TMEM181: variants seen among roughly 807,000 people sequenced by gnomAD.
TMEM181 encodes G protein-coupled receptor 178.
TMEM181 carries 39 observed loss-of-function variants against 71.9 expected under a neutral mutation model. The ratio of observed to expected loss-of-function variants is 0.54; its 90% CI spans 0.42 to 0.71. TMEM181 has a LOEUF of 0.71. Among genes scored for constraint, TMEM181 ranks in the 30% least tolerant of loss-of-function variants. TMEM181 has a pLI of 0.00. For synonymous variants in TMEM181, 245 were observed against 228.8 expected (o/e 1.07, Z -0.64); for missense variants, 595 against 583.0 (o/e 1.02, Z -0.21).
chr6:158,630,915 T>C (rs1786625846), intron 15 of TMEM181, among the ~76,000 whole-genome samples: 1 of 152,098 alleles, frequency 6.6e-6, no homozygotes, highest in Admixed American at 6.6e-5. Context: ...AACTTTATGA[T>C]AAACATATAA....
chr6:158,539,228 A>G (rs763764368), intron 1 of TMEM181, among the ~76,000 whole-genome samples: 1 of 152,194 alleles, frequency 6.6e-6, no homozygotes, highest in Non-Finnish European at 1.5e-5. Flanking sequence ...GTACTTTACA[A>G]TATTTTGTAT....
At chr6:158,576,390 T>G (rs752164182) in intron 2 of TMEM181, among the ~76,000 whole-genome samples, 2 of 152,186 alleles carry the variant, frequency 1.3e-5, no homozygotes, top group Non-Finnish European at 2.9e-5. Flanking sequence ...TAAGAATGGC[T>G]GCTGTTGTTG....
intron 6 of TMEM181, among the ~76,000 whole-genome samples, chr6:158,604,723 T>A (rs1784851535): frequency 6.6e-6 from 1 of 152,232 alleles, no homozygotes; most frequent in Non-Finnish European, 1.5e-5. Context: ...TTTAAAACTT[T>A]CTTTTGATGG....
At chr6:158,589,827 G>C in intron 6 of TMEM181, 45 bp downstream of exon 6, 1 of 1,328,032 alleles carries the variant, frequency 7.5e-7, no homozygotes, top group Non-Finnish European at 1.1e-6. Context: ...TCATGTTCTA[G>C]TTCCCATTCT....
intron 6 of TMEM181, among the ~76,000 whole-genome samples, chr6:158,604,385 T>G (rs1340543502): frequency 6.6e-6 from 1 of 152,202 alleles, no homozygotes; most frequent in East Asian, 1.9e-4. Flanking sequence ...TAACTCTATT[T>G]GTACTGAAGT....
chr6:158,601,334 A>C (rs962847142), intron 6 of TMEM181, among the ~76,000 whole-genome samples: 3 of 151,762 alleles, frequency 2.0e-5, no homozygotes, highest in African/African-American at 7.3e-5. Context: ...AGATCACCTG[A>C]GATCAGGAGT....
chr6:158,576,433 G>A (rs1253143784), intron 2 of TMEM181, among the ~76,000 whole-genome samples: 1 of 151,934 alleles, frequency 6.6e-6, no homozygotes, highest in Admixed American at 6.6e-5. Flanking sequence ...CCCCTCCCCC[G>A]CTGGCTAACG....
chr6:158,562,639 TC>T (rs1782254843), intron 1 of TMEM181, among the ~76,000 whole-genome samples: 1 of 152,150 alleles, frequency 6.6e-6, no homozygotes, highest in Admixed American at 6.5e-5. Flanking sequence ...GGTTTCAGGG[TC>T]CTGGGCCTCC....
intron 1 of TMEM181, among the ~76,000 whole-genome samples, chr6:158,537,219 C>T (rs911254548): frequency 2.6e-5 from 4 of 152,048 alleles, no homozygotes; most frequent in Non-Finnish European, 5.9e-5. Flanking sequence ...GTTCTCCCCC[C>T]GCGCCCGCCT....
chr6:158,608,797 G>C (rs771179159), intron 10 of TMEM181, 47 bp downstream of exon 10: 1 of 1,578,692 alleles, frequency 6.3e-7, no homozygotes, highest in Non-Finnish European at 8.6e-7. Flanking sequence ...AAAAGCATTT[G>C]ACAAAAGTGG....
At chr6:158,614,457 T>C (rs1562309161) in intron 10 of TMEM181, among the ~76,000 whole-genome samples, 1 of 149,128 alleles carries the variant, frequency 6.7e-6, no homozygotes. Context: ...TAATTTTTAA[T>C]GAAACCTTAT....
intron 1 of TMEM181, among the ~76,000 whole-genome samples, chr6:158,571,241 C>T (rs1782792896): frequency 6.6e-6 from 1 of 152,170 alleles, no homozygotes; most frequent in Non-Finnish European, 1.5e-5. Flanking sequence ...GGACTGCAGG[C>T]ACCCGCCACC....
At chr6:158,566,458 T>C (rs1387795496) in intron 1 of TMEM181, among the ~76,000 whole-genome samples, 2 of 126,342 alleles carry the variant, frequency 1.6e-5, no homozygotes, top group East Asian at 4.7e-4. Flanking sequence ...ATGAGGGAGG[T>C]GATGGTGAGG....
intron 1 of TMEM181, among the ~76,000 whole-genome samples, chr6:158,570,527 C>T (rs1344442837): frequency 2.0e-5 from 3 of 152,084 alleles, no homozygotes; most frequent in African/African-American, 7.2e-5. Context: ...AGGCATGAGC[C>T]ACTGCGCCCG....
At chr6:158,610,953 A>G in intron 10 of TMEM181, 2 of 425,258 alleles carry the variant, frequency 4.7e-6, no homozygotes, top group South Asian at 2.1e-5. Flanking sequence ...AGAGAATCTG[A>G]CCGTGGAGAT....
At chr6:158,569,397 A>G (rs1481977966) in intron 1 of TMEM181, among the ~76,000 whole-genome samples, 2 of 152,148 alleles carry the variant, frequency 1.3e-5, no homozygotes, top group Non-Finnish European at 2.9e-5. Context: ...CCCAGCTTAC[A>G]CTTGCTTAAG....
At chr6:158,591,333 G>A (rs1784097886) in intron 6 of TMEM181, among the ~76,000 whole-genome samples, 1 of 152,122 alleles carries the variant, frequency 6.6e-6, no homozygotes, top group African/African-American at 2.4e-5. Context: ...TGTTGCTGAT[G>A]TGGAAGGAGC....
At chr6:158,546,477 C>A (rs1321804377) in intron 1 of TMEM181, among the ~76,000 whole-genome samples, 1 of 152,130 alleles carries the variant, frequency 6.6e-6, no homozygotes, top group Non-Finnish European at 1.5e-5. Context: ...AAAAATAGAA[C>A]TGAACCCCAG....
chr6:158,587,878 G>A (rs1426238354), intron 5 of TMEM181, among the ~76,000 whole-genome samples: 4 of 152,108 alleles, frequency 2.6e-5, no homozygotes, highest in Non-Finnish European at 5.9e-5. Context: ...TGAAAAGTGA[G>A]ACAAATTCTT....
Sources: allele counts gnomAD v4.1 joint callset (sites outside exome capture counted in the v4.1 genomes callset), GRCh38; gene constraint gnomAD v4.1.1; transcripts MANE v1.5; gene names NCBI Gene and HGNC (gene_info 2026-07-23, HGNC 2026-07-21).